The following GPD2 variants were observed in gnomAD, a reference collection of about 807,000 sequenced individuals.
GPD2 encodes the protein glycerol-3-phosphate dehydrogenase, mitochondrial.
Under a neutral mutation model 82.4 loss-of-function variants are expected in GPD2, and 54 were observed. The ratio of observed to expected loss-of-function variants is 0.66; its 90% CI spans 0.53 to 0.82. The LOEUF (loss-of-function observed/expected upper bound fraction) is 0.82. GPD2 is among the 40% of genes least tolerant of loss of function. GPD2 has a pLI of 0.00. For synonymous variants in GPD2, 288 were observed against 306.1 expected, an observed-to-expected ratio of 0.94 and a Z score of 0.62; for missense variants, 748 against 896.2, an observed-to-expected ratio of 0.83 and a Z score of 2.11.
chr2:156,490,793 A>G (rs934230790), intron 2 of GPD2, among the ~76,000 whole-genome samples: 8 of 152,226 alleles, frequency 5.3e-5, no homozygotes, highest in African/African-American at 1.9e-4. Flanking sequence ...TCATAAAGTT[A>G]TTGTGAGGAT....
chr2:156,545,729 G>A (rs952377404), intron 6 of GPD2, among the ~76,000 whole-genome samples: 2 of 152,024 alleles, frequency 1.3e-5, no homozygotes, highest in African/African-American at 2.4e-5. Flanking sequence ...TTTTATACCT[G>A]TGTTTTTTTC....
At chr2:156,453,032 T>C (rs1346899007) in intron 1 of GPD2, among the ~76,000 whole-genome samples, 1 of 152,194 alleles carries the variant, frequency 6.6e-6, no homozygotes, top group Non-Finnish European at 1.5e-5. Flanking sequence ...AATGGCTATT[T>C]TGAAACATCC....
intron 6 of GPD2, among the ~76,000 whole-genome samples, chr2:156,532,369 C>G (rs1685900234): frequency 6.6e-6 from 1 of 152,086 alleles, no homozygotes; most frequent in South Asian, 2.1e-4. Flanking sequence ...GTTTAACAAG[C>G]CTTTAGTTAC....
chr2:156,509,783 T>TTTTTC (rs1250908315), intron 3 of GPD2, among the ~76,000 whole-genome samples: 2 of 147,824 alleles, frequency 1.4e-5, no homozygotes, highest in African/African-American at 2.5e-5. Context: ...TTTTTTTTTT[T>TTTTTC]TATTTCCTGA....
In GPD2 at chr2:156,583,708, G is replaced by C. The variant is rs1688115689; in HGVS notation, c.*790G>C. ...TTTCTTTGACTATTATAGTTGCCAG[G>C]AAGATCCTTGCTCTTCTTACTTTAA... On this transcript the variant is annotated 3_prime_UTR_variant, in exon 17 of 17. Coordinates refer to ENST00000438166, the MANE Select transcript of GPD2 (RefSeq NM_000408.5). The C allele has an allele frequency of 6.6e-6, 1 of 152,484 alleles. No individual in the cohort carries two copies. The highest frequency in any genetic ancestry group is 2.1e-4 in the South Asian group (1 of 4,828). 9.4% of individuals were successfully genotyped at this position (152,484 alleles called of 1,614,324 possible).
At chr2:156,482,501 G>GA (rs869127051) in intron 2 of GPD2, among the ~76,000 whole-genome samples, 2 of 151,790 alleles carry the variant, frequency 1.3e-5, no homozygotes, top group African/African-American at 4.8e-5. Flanking sequence ...CCATTTATTG[G>GA]AATTCTGTGG....
intron 16 of GPD2, among the ~76,000 whole-genome samples, chr2:156,581,311 A>AT (rs144968011): frequency 0.03 from 4,555 of 152,086 alleles, 109 homozygotes; most frequent in Non-Finnish European, 0.048. Flanking sequence ...CCCAAATGTT[A>AT]TTTTTTTCTT....
intron 1 of GPD2, among the ~76,000 whole-genome samples, chr2:156,459,529 A>G (rs551935107): frequency 1.5e-4 from 23 of 151,946 alleles, no homozygotes; most frequent in African/African-American, 4.8e-4. Flanking sequence ...AACTACTGAA[A>G]ATACAAAAAT....
the GPD2 span, among the ~76,000 whole-genome samples, chr2:156,430,028 A>G: frequency 4.0e-4 from 61 of 152,236 alleles, no homozygotes; most frequent in African/African-American, 1.4e-3. Flanking sequence ...AATGGATACG[A>G]TTATGTTAGA....
intron 13 of GPD2, among the ~76,000 whole-genome samples, chr2:156,578,017 CGTGTGTGTGT>C (rs140248659): frequency 1.3e-5 from 2 of 151,326 alleles, no homozygotes; most frequent in Admixed American, 1.3e-4. Context: ...TATATGTGTG[CGTGTGTGTGT>C]GTGTAGCATA....
At chr2:156,471,505 A>G (rs1156689426) in intron 1 of GPD2, among the ~76,000 whole-genome samples, 4 of 152,076 alleles carry the variant, frequency 2.6e-5, no homozygotes, top group Admixed American at 2.0e-4. Context: ...TTTAAACACC[A>G]TTTCTAGCTG....
At chr2:156,431,110 C>T (rs1202000954), upstream of GPD2, among the ~76,000 whole-genome samples, 2 of 152,194 alleles carry the variant, frequency 1.3e-5, no homozygotes, top group Non-Finnish European at 2.9e-5. Flanking sequence ...GATGAAAACC[C>T]ATGACTGTCC....
chr2:156,560,852 A>G (rs969194382), intron 9 of GPD2, among the ~76,000 whole-genome samples: 2 of 152,108 alleles, frequency 1.3e-5, no homozygotes, highest in Non-Finnish European at 2.9e-5. Flanking sequence ...ACTGTTAAAC[A>G]TATTTTAATA....
intron 16 of GPD2, among the ~76,000 whole-genome samples, chr2:156,581,614 T>C (rs1688027325): frequency 6.6e-6 from 1 of 152,146 alleles, no homozygotes; most frequent in Non-Finnish European, 1.5e-5. Context: ...TAAGAGCCCA[T>C]GTTTATCCCA....
the GPD2 span, among the ~76,000 whole-genome samples, chr2:156,423,117 G>C: frequency 2.6e-4 from 39 of 152,324 alleles, no homozygotes; most frequent in African/African-American, 9.1e-4. Context: ...GATGCTCAGA[G>C]AGATTAGGCA....
intron 1 of GPD2, among the ~76,000 whole-genome samples, chr2:156,463,837 C>T (rs941079389): frequency 6.6e-6 from 1 of 152,132 alleles, no homozygotes; most frequent in Non-Finnish European, 1.5e-5. Flanking sequence ...TTTATTTTCT[C>T]TATTTATGCT....
chr2:156,497,509 A>G (rs1316203258), intron 3 of GPD2, among the ~76,000 whole-genome samples: 1 of 152,208 alleles, frequency 6.6e-6, no homozygotes, highest in Non-Finnish European at 1.5e-5. Flanking sequence ...ATATTTTAAC[A>G]CTGAATGGGA....
At chr2:156,478,031 G>A (rs1200081988) in intron 2 of GPD2, among the ~76,000 whole-genome samples, 2 of 152,162 alleles carry the variant, frequency 1.3e-5, no homozygotes, top group African/African-American at 2.4e-5. Context: ...TTTAACCACA[G>A]TAAGCATGTT....
intron 1 of GPD2, among the ~76,000 whole-genome samples, chr2:156,458,420 C>T (rs536890976): frequency 6.0e-4 from 91 of 152,262 alleles, no homozygotes; most frequent in Non-Finnish European, 1.2e-3. Context: ...CCCCGAGGGG[C>T]TGTAATGTGC....
Sources: allele counts gnomAD v4.1 joint callset (sites outside exome capture counted in the v4.1 genomes callset), GRCh38; gene constraint gnomAD v4.1.1; transcripts MANE v1.5; gene names NCBI Gene and HGNC (gene_info 2026-07-23, HGNC 2026-07-21).